MYO1H: variants seen among roughly 807,000 people sequenced by gnomAD.
The protein encoded by MYO1H is myosin IH.
In MYO1H, 118 loss-of-function variants were observed where a neutral mutation model predicts 149.3. That is an observed-to-expected ratio of 0.79 (90% CI 0.68 to 0.92). The LOEUF (loss-of-function observed/expected upper bound fraction) is 0.92, where lower values mean the gene tolerates loss of function less well. Ranked by LOEUF, MYO1H falls within the 40% of genes least tolerant of loss-of-function variation. The pLI, the probability that MYO1H is intolerant of heterozygous loss-of-function variation, is 0.00. For missense variants in MYO1H, 1,212 were observed against 1,280.7 expected (o/e 0.95, Z 0.82); for synonymous variants, 447 against 465.2 (o/e 0.96, Z 0.50).
the MYO1H span, among the ~76,000 whole-genome samples, chr12:109,319,829 AATG>A: frequency 2.4e-4 from 37 of 152,312 alleles, 1 homozygote; most frequent in African/African-American, 8.2e-4. Flanking sequence ...ACCTCCAGAT[AATG>A]ATAAATGTTC....
At chr12:109,333,409 C>CCATT in the MYO1H span, among the ~76,000 whole-genome samples, 1 of 152,092 alleles carries the variant, frequency 6.6e-6, no homozygotes, top group Non-Finnish European at 1.5e-5. Context: ...CATGGATCAT[C>CCATT]CATTGCCTTC....
At chr12:109,320,623 CAAAAAAAAAA>C in the MYO1H span, among the ~76,000 whole-genome samples, 1 of 92,834 alleles carries the variant, frequency 1.1e-5, no homozygotes, top group Non-Finnish European at 2.1e-5. Flanking sequence ...GAATCTGTCT[CAAAAAAAAAA>C]AAAAAAAAAA....
the MYO1H span, among the ~76,000 whole-genome samples, chr12:109,339,028 A>G: frequency 6.6e-6 from 1 of 152,294 alleles, no homozygotes; most frequent in South Asian, 2.1e-4. Context: ...GTATTGCTTC[A>G]TATGTAAATT....
chr12:109,324,786 G>C, the MYO1H span, among the ~76,000 whole-genome samples: 1 of 151,898 alleles, frequency 6.6e-6, no homozygotes, highest in African/African-American at 2.4e-5. Context: ...CATGTGCCAT[G>C]GTGGTTTGCT....
chr12:109,368,662 G>A (rs935581943), intron 1 of MYO1H, among the ~76,000 whole-genome samples: 1 of 121,614 alleles, frequency 8.2e-6, no homozygotes, highest in Non-Finnish European at 1.8e-5. Context: ...AAAAAAAAAG[G>A]GTTCTTGCTG....
intron 1 of MYO1H, among the ~76,000 whole-genome samples, chr12:109,373,763 T>C (rs1394717126): frequency 1.3e-5 from 2 of 152,208 alleles, no homozygotes; most frequent in Non-Finnish European, 2.9e-5. Flanking sequence ...CAAACACTCA[T>C]ATGCCTCCAC....
intron 21 of MYO1H, 112 bp downstream of exon 21, chr12:109,435,225 G>T: frequency 1.6e-6 from 1 of 643,436 alleles, no homozygotes. Flanking sequence ...CATTCGCTTT[G>T]GAAACTAGGA....
chr12:109,393,276 T>G, intron 2 of MYO1H, 55 bp from the exon 3 acceptor site: 1 of 1,047,436 alleles, frequency 9.5e-7, no homozygotes, highest in Admixed American at 2.0e-5. Flanking sequence ...TCATCATGTG[T>G]GACAGTCTTT....
intron 21 of MYO1H, 37 bp from the exon 22 acceptor site, chr12:109,436,451 C>G (rs748193174): frequency 2.0e-6 from 3 of 1,525,010 alleles, no homozygotes; most frequent in Admixed American, 3.6e-5. Flanking sequence ...TGCGCAAATG[C>G]AAAGCCATTT....
the MYO1H span, among the ~76,000 whole-genome samples, chr12:109,338,784 A>T: frequency 5.3e-5 from 8 of 151,612 alleles, no homozygotes; most frequent in Non-Finnish European, 1.2e-4. Context: ...AAAAAAAAAA[A>T]AAAAAATCAT....
At chr12:109,390,898 C>T (rs1164092703) in intron 2 of MYO1H, among the ~76,000 whole-genome samples, 2 of 152,032 alleles carry the variant, frequency 1.3e-5, no homozygotes, top group Non-Finnish European at 2.9e-5. Context: ...AAACTCCTGA[C>T]CTTGGGTGAT....
chr12:109,407,839 G>A (rs1870464156), exon 10 of MYO1H: 1 of 1,613,828 alleles, frequency 6.2e-7, no homozygotes, highest in African/African-American at 1.3e-5. Context: ...CGCTAGAGAT[G>A]CAATGGCAAA....
At chr12:109,441,829 C>A in intron 26 of MYO1H, 121 bp downstream of exon 26, 1 of 647,500 alleles carries the variant, frequency 1.5e-6, no homozygotes, top group Non-Finnish European at 2.7e-6. Context: ...GGCGGATTGC[C>A]TGAGCTCAGG....
chr12:109,401,284 C>A lies in MYO1H; in HGVS notation c.750+12C>A. The A allele has an allele frequency of 6.3e-7, 1 of 1,599,890 alleles. No homozygotes were observed. Among genetic ancestry groups the A allele is most frequent in the Non-Finnish European group, 8.5e-7 (1 of 1,171,880 alleles). On this transcript the variant is annotated intron_variant, in intron 6 of 31. Coordinates refer to ENST00000310903, the Ensembl canonical transcript of MYO1H. Reference sequence around the variant, plus strand: ...AATACCTCTCACAGGTGGGAAGGACCAGCACCTGGCTTTGGTGACTCTTTG... The same window carrying A: ...AATACCTCTCACAGGTGGGAAGGACAAGCACCTGGCTTTGGTGACTCTTTG...
At chr12:109,378,117 G>A (rs1286618686) in intron 1 of MYO1H, among the ~76,000 whole-genome samples, 1 of 152,002 alleles carries the variant, frequency 6.6e-6, no homozygotes, top group African/African-American at 2.4e-5. Flanking sequence ...TCTATTTAAA[G>A]TGTACAGTTC....
the MYO1H span, among the ~76,000 whole-genome samples, chr12:109,311,739 G>A: frequency 1.3e-5 from 2 of 152,178 alleles, no homozygotes; most frequent in Admixed American, 6.5e-5. Context: ...CTCCGGTGTA[G>A]GGAGAGGATC....
the MYO1H span, among the ~76,000 whole-genome samples, chr12:109,315,518 C>T: frequency 6.6e-6 from 1 of 152,172 alleles, no homozygotes; most frequent in Non-Finnish European, 1.5e-5. Context: ...TTGTTTGGCT[C>T]ACAGGTTTTC....
upstream of MYO1H, chr12:109,347,821 T>A: frequency 2.5e-6 from 1 of 397,056 alleles, no homozygotes; most frequent in Non-Finnish European, 4.4e-6. Context: ...ATTATTAACT[T>A]AGCTCCACCC....
chr12:109,417,226 T>C (rs1870952226), intron 15 of MYO1H, among the ~76,000 whole-genome samples: 1 of 152,170 alleles, frequency 6.6e-6, no homozygotes, highest in African/African-American at 2.4e-5. Flanking sequence ...AATTGCCAGG[T>C]CATTTTCCAA....
Sources: allele counts gnomAD v4.1 joint callset (sites outside exome capture counted in the v4.1 genomes callset), GRCh38; gene constraint gnomAD v4.1.1; transcripts MANE v1.5; gene names NCBI Gene and HGNC (gene_info 2026-07-23, HGNC 2026-07-21).